Variants in SLC2A9 observed in about 807,000 individuals in gnomAD.
The protein encoded by SLC2A9 is solute carrier family 2 member 9, also known as solute carrier family 2, facilitated glucose transporter member 9.
In SLC2A9, 39 loss-of-function variants were observed where a neutral mutation model predicts 50.6. The observed-to-expected ratio is 0.77, with a 90% CI of 0.60 to 1.01. The LOEUF is 1.01. Ranked by LOEUF, SLC2A9 falls within the 50% of genes least tolerant of loss-of-function variation. The probability of loss-of-function intolerance (pLI) is 0.00; values close to 1 mark genes in which losing one functional copy is unlikely to be tolerated. For synonymous variants in SLC2A9, 324 were observed against 276.9 expected, an observed-to-expected ratio of 1.17 and a Z score of -1.69; for missense variants, 686 against 677.6, an observed-to-expected ratio of 1.01 and a Z score of -0.14.
At chr4:9,825,247 G>A (rs1560155300), downstream of SLC2A9, among the ~76,000 whole-genome samples, 1 of 152,220 alleles carries the variant, frequency 6.6e-6, no homozygotes, top group Non-Finnish European at 1.5e-5. Context: ...CAGGCTGTAA[G>A]TAGATCTTAC....
chr4:10,017,437 T>C (rs1762806421), intron 2 of SLC2A9, among the ~76,000 whole-genome samples: 1 of 152,240 alleles, frequency 6.6e-6, no homozygotes, highest in South Asian at 2.1e-4. Flanking sequence ...AAATCAAAGA[T>C]CACTGACTGT....
chr4:9,931,938 C>CTCAA (rs1553878808), intron 6 of SLC2A9, among the ~76,000 whole-genome samples: 27 of 56,466 alleles, frequency 4.8e-4, no homozygotes, highest in African/African-American at 2.7e-3. Flanking sequence ...CTCTCTCTCT[C>CTCAA]TCTCTCTCTC....
At chr4:9,937,622 G>A (rs1747327497) in intron 6 of SLC2A9, among the ~76,000 whole-genome samples, 1 of 152,062 alleles carries the variant, frequency 6.6e-6, no homozygotes, top group South Asian at 2.1e-4. Context: ...CCCGGTTTAG[G>A]AGATGGGGAC....
chr4:9,842,421 T>A (rs1232680769), intron 10 of SLC2A9, among the ~76,000 whole-genome samples: 1 of 152,230 alleles, frequency 6.6e-6, no homozygotes, highest in East Asian at 1.9e-4. Flanking sequence ...TGGACTTTTT[T>A]ATTCATAAAA....
intron 3 of SLC2A9, among the ~76,000 whole-genome samples, chr4:9,993,242 T>C (rs1477437759): frequency 6.6e-6 from 1 of 152,240 alleles, no homozygotes; most frequent in Admixed American, 6.5e-5. Flanking sequence ...ATGTTTTTTC[T>C]GCTTTGCTCC....
chr4:9,830,351 G>A (rs539575055), intron 11 of SLC2A9, among the ~76,000 whole-genome samples: 2 of 152,274 alleles, frequency 1.3e-5, no homozygotes, highest in South Asian at 2.1e-4. Context: ...CAATACTGGG[G>A]CCTATCAGGG....
chr4:9,975,149 A>T (rs565171312), intron 5 of SLC2A9, among the ~76,000 whole-genome samples: 16 of 152,354 alleles, frequency 1.1e-4, no homozygotes, highest in Non-Finnish European at 1.2e-4. Context: ...AACTATAAGA[A>T]TCCTACGAGA....
At chr4:10,026,945 G>A (rs1350300293) in intron 1 of SLC2A9, among the ~76,000 whole-genome samples, 1 of 152,148 alleles carries the variant, frequency 6.6e-6, no homozygotes, top group African/African-American at 2.4e-5. Context: ...TCGGGAGGCT[G>A]AGGCAGGAGA....
intron 3 of SLC2A9, among the ~76,000 whole-genome samples, chr4:9,816,512 G>A (rs1486942463): frequency 1.3e-5 from 2 of 152,140 alleles, no homozygotes; most frequent in Non-Finnish European, 2.9e-5. Flanking sequence ...AATTTGCCAA[G>A]AGGGTAGATT....
chr4:9,876,223 C>T (rs182630594), intron 10 of SLC2A9, among the ~76,000 whole-genome samples: 3 of 152,294 alleles, frequency 2.0e-5, no homozygotes, highest in Admixed American at 6.5e-5. Context: ...AAGCTTCCCA[C>T]TGTTGTTCGT....
At chr4:10,008,895 C>A (rs1370366175) in intron 2 of SLC2A9, among the ~76,000 whole-genome samples, 2 of 133,466 alleles carry the variant, frequency 1.5e-5, no homozygotes, top group African/African-American at 2.7e-5. Context: ...AATTTCTGTG[C>A]GGTGGTTTTT....
At chr4:9,841,735 A>C (rs921722200) in intron 10 of SLC2A9, among the ~76,000 whole-genome samples, 1 of 152,096 alleles carries the variant, frequency 6.6e-6, no homozygotes, top group Non-Finnish European at 1.5e-5. Context: ...CATGCACCGG[A>C]ACCCATTCCA....
chr4:9,909,927 GCT>G (rs1360005013), intron 7 of SLC2A9, among the ~76,000 whole-genome samples: 1 of 152,220 alleles, frequency 6.6e-6, no homozygotes, highest in Non-Finnish European at 1.5e-5. Context: ...CTCGCATTTT[GCT>G]CTTTGTTTCT....
intron 11 of SLC2A9, among the ~76,000 whole-genome samples, chr4:9,834,166 G>T (rs1053722941): frequency 6.6e-6 from 1 of 152,030 alleles, no homozygotes; most frequent in African/African-American, 2.4e-5. Context: ...CTTCACTCAG[G>T]CCTCTGCGCA....
chr4:9,898,511 T>C (rs1196023792), intron 8 of SLC2A9, among the ~76,000 whole-genome samples: 1 of 152,210 alleles, frequency 6.6e-6, no homozygotes, highest in East Asian at 1.9e-4. Context: ...ATAAACTGCA[T>C]GCGGTACTCC....
At chr4:9,961,136 A>G (rs979057470) in intron 5 of SLC2A9, among the ~76,000 whole-genome samples, 2 of 152,172 alleles carry the variant, frequency 1.3e-5, no homozygotes, top group Admixed American at 6.5e-5. Context: ...TAGAATTCAA[A>G]CCTTTAACTT....
chr4:9,948,007 C>G (rs905081653), intron 5 of SLC2A9, among the ~76,000 whole-genome samples: 2 of 152,100 alleles, frequency 1.3e-5, no homozygotes, highest in African/African-American at 4.8e-5. Flanking sequence ...TCCATCACCT[C>G]GCCATACAGG....
At chr4:9,813,261 T>C (rs1226376367) in intron 3 of SLC2A9, among the ~76,000 whole-genome samples, 1 of 152,220 alleles carries the variant, frequency 6.6e-6, no homozygotes, top group Non-Finnish European at 1.5e-5. Context: ...ACCAAAACCA[T>C]CAACCAGTTT....
intron 10 of SLC2A9, among the ~76,000 whole-genome samples, chr4:9,835,939 T>C (rs1175109275): frequency 6.6e-6 from 1 of 151,514 alleles, no homozygotes; most frequent in African/African-American, 2.4e-5. Flanking sequence ...ATACAAAAAT[T>C]AGCTGGGCGT....
Sources: allele counts gnomAD v4.1 joint callset (sites outside exome capture counted in the v4.1 genomes callset), GRCh38; gene constraint gnomAD v4.1.1; transcripts MANE v1.5; gene names NCBI Gene and HGNC (gene_info 2026-07-23, HGNC 2026-07-21).